RFX8: variants seen among roughly 807,000 people sequenced by gnomAD.
RFX8 encodes regulatory factor X8, also known as DNA-binding protein RFX8.
In RFX8, 46 loss-of-function variants were observed where a neutral mutation model predicts 54.6. That is an observed-to-expected ratio of 0.84 (90% CI 0.67 to 1.08). The LOEUF (loss-of-function observed/expected upper bound fraction) is 1.08. Ranked by LOEUF, RFX8 falls within the 50% of genes least tolerant of loss-of-function variation. The probability of loss-of-function intolerance (pLI) is 0.00; values close to 1 mark genes in which losing one functional copy is unlikely to be tolerated. For synonymous variants in RFX8, 192 were observed against 209.5 expected, an observed-to-expected ratio of 0.92 and a Z score of 0.72; for missense variants, 536 against 562.3, an observed-to-expected ratio of 0.95 and a Z score of 0.47.
intron 2 of RFX8, among the ~76,000 whole-genome samples, chr2:101,439,954 G>A (rs1415186126): frequency 6.6e-6 from 1 of 152,140 alleles, no homozygotes; most frequent in Non-Finnish European, 1.5e-5. Flanking sequence ...ACCCCATCCT[G>A]ATTGCTGTGG....
Position 101,409,647 on chromosome 2 carries a change from G to A in RFX8, c.813+972C>T, listed in dbSNP as rs546330619. Reference sequence around the variant, plus strand: ...CCCGAGTAGCTGGGATTACAGGTGCGTGCCACCATGCCCAGCTAATTTTTG... The same window carrying A: ...CCCGAGTAGCTGGGATTACAGGTGCATGCCACCATGCCCAGCTAATTTTTG... On this transcript the variant is annotated intron_variant, in intron 9 of 11. Coordinates refer to ENST00000428343, the MANE Select transcript of RFX8 (RefSeq NM_001145664.2). Among the ~76,000 whole-genome samples the A allele has an allele frequency of 1.3e-3, 197 of 152,196 alleles. 2 individuals carry two copies. Among genetic ancestry groups the A allele is most frequent in the African/African-American group, 4.5e-3 (186 of 41,514 alleles).
chr2:101,465,592 CTT>C (rs1399210058), intron 2 of RFX8, among the ~76,000 whole-genome samples: 5 of 152,120 alleles, frequency 3.3e-5, no homozygotes, highest in African/African-American at 1.2e-4. Context: ...AATAACTACT[CTT>C]GGGTTCAAAT....
chr2:101,469,056 GTATATATATGTATATATATATAAGTGTA>G lies in RFX8; in HGVS notation c.-52-2184_-52-2157del, dbSNP rs1558896450. On this transcript the variant is annotated intron_variant, in intron 1 of 11. Transcript: ENST00000428343. Reference sequence around the variant, plus strand: ...CGTATATATATGTATATATATATACGTATATATATGTATATATATATAAGTGTATATATATAAGTATATATATATAAGT... The same window carrying G: ...CGTATATATATGTATATATATATACGTATATATAAGTATATATATATAAGT... 1.2e-3 allele frequency among the ~76,000 whole-genome samples: 13 copies of G among 10,624 alleles called. 1 individual carries two copies. The highest frequency in any genetic ancestry group is 2.2e-3 in the Non-Finnish European group (9 of 4,092). 7.0% of individuals were successfully genotyped at this position (10,624 alleles called of 152,430 possible).
intron 1 of RFX8, among the ~76,000 whole-genome samples, chr2:101,469,343 C>T (rs1051650783): frequency 1.3e-5 from 2 of 151,400 alleles, no homozygotes. Flanking sequence ...TTTGTAGAGA[C>T]GGTCTCACTA....
At chr2:101,422,155 C>T (rs1030376350) in intron 3 of RFX8, among the ~76,000 whole-genome samples, 3 of 152,146 alleles carry the variant, frequency 2.0e-5, no homozygotes, top group Non-Finnish European at 2.9e-5. Flanking sequence ...GCAGTCCCAG[C>T]GGGAGCCTTG....
chr2:101,425,048 AAG>A (rs1553454163), intron 2 of RFX8, among the ~76,000 whole-genome samples: 4 of 151,402 alleles, frequency 2.6e-5, no homozygotes, highest in Non-Finnish European at 4.4e-5. Flanking sequence ...AGAAAAAAAA[AAG>A]AAGATGGGTT....
chr2:101,414,947 T>A (rs1181790089), intron 6 of RFX8, 35 bp from the exon 7 acceptor site: 1 of 1,480,722 alleles, frequency 6.8e-7, no homozygotes, highest in African/African-American at 1.4e-5. Flanking sequence ...ATTAATACAA[T>A]AACTTCAAGT....
Position 101,397,631 on chromosome 2 carries a change from C to T in RFX8, c.1339G>A (p.Gly447Arg). Residue 447 changes from glycine (G) to arginine (R), a missense_variant, in exon 12 of 12, where the codon GGA becomes AGA. Transcript: ENST00000428343. ...GATATCTGAATCACAAATTGTTGTC[C>T]ATCTTTTAGGGTTATGAGGGCTTCT... ...GQEALITLKD[G>R]QQFVIQISDV... The T allele has an allele frequency of 1.3e-6, 2 of 1,551,116 alleles. No individual in the cohort carries two copies. The highest frequency in any genetic ancestry group is 1.7e-6 in the Non-Finnish European group (2 of 1,146,742).
chr2:101,436,502 C>T (rs957623709), intron 2 of RFX8, among the ~76,000 whole-genome samples: 11 of 152,170 alleles, frequency 7.2e-5, no homozygotes, highest in Admixed American at 2.0e-4. Context: ...TTTTTAACCA[C>T]CCTCACCCCC....
Position 101,413,086 on chromosome 2 carries a change from G to T in RFX8, c.562-15C>A. On this transcript the variant is annotated splice_polypyrimidine_tract_variant and intron_variant, in intron 7 of 11. Transcript: ENST00000428343. ...ATTCGCATAGTCTAAAGATAACAGG[G>T]AGGCATAATACTTAATTCAATCTGG... 5.2e-6 allele frequency: 8 copies of T among 1,547,720 alleles called. No individual in the cohort carries two copies. Among genetic ancestry groups the T allele is most frequent in the Non-Finnish European group, 7.0e-6 (8 of 1,145,106 alleles).
intron 1 of RFX8, chr2:101,474,349 C>G (rs1690187518): frequency 4.8e-6 from 2 of 420,940 alleles, no homozygotes; most frequent in Admixed American, 9.0e-5. Flanking sequence ...TTGCACCGGT[C>G]CTGCTACCGC....
At chr2:101,466,445 G>A (rs1689578355) in intron 2 of RFX8, among the ~76,000 whole-genome samples, 2 of 152,112 alleles carry the variant, frequency 1.3e-5, no homozygotes, top group Admixed American at 6.5e-5. Flanking sequence ...GTGCCAAAGC[G>A]GCTCTCAGAG....
intron 1 of RFX8, among the ~76,000 whole-genome samples, chr2:101,471,587 A>G (rs1046945259): frequency 6.6e-6 from 1 of 152,204 alleles, no homozygotes; most frequent in African/African-American, 2.4e-5. Context: ...GCCTGGTCTG[A>G]AACCAGGGGT....
At chr2:101,459,594 T>C (rs926640465) in intron 2 of RFX8, among the ~76,000 whole-genome samples, 2 of 152,118 alleles carry the variant, frequency 1.3e-5, no homozygotes, top group African/African-American at 4.8e-5. Context: ...TGCCTAATCC[T>C]TCCTCTGGAA....
chr2:101,473,985 C>T (rs1690153734), intron 1 of RFX8, among the ~76,000 whole-genome samples: 1 of 152,218 alleles, frequency 6.6e-6, no homozygotes, highest in African/African-American at 2.4e-5. Context: ...GGAAGCCCGG[C>T]CCCATCGCCG....
At position 101,459,564 on chromosome 2, in the gene RFX8, C is replaced by G. The variant is rs540959449; in HGVS notation, c.72+7213G>C. Among the ~76,000 whole-genome samples, 45 of 152,300 alleles carry G rather than the reference C, an allele frequency of 3.0e-4. 1 individual carries two copies. The highest frequency in any genetic ancestry group is 6.5e-4 in the Admixed American group (10 of 15,304). On this transcript the variant is annotated intron_variant, in intron 2 of 11. Transcript: ENST00000428343. ...GCAGAGGCTGCAGAACAGCAAATAT[C>G]ACAGAATAGCAAATATTGCTGCCTA...
intron 2 of RFX8, chr2:101,452,422 G>A: frequency 1.5e-6 from 2 of 1,367,704 alleles, no homozygotes; most frequent in South Asian, 3.4e-5. Context: ...CGGGTGCCAA[G>A]GTCCGGAAAA....
chr2:101,418,112 G>C (rs545016392), intron 5 of RFX8, among the ~76,000 whole-genome samples: 1 of 151,994 alleles, frequency 6.6e-6, no homozygotes, highest in South Asian at 2.1e-4. Flanking sequence ...GGCTGGTCTC[G>C]AACTCCTGAC....
At chr2:101,469,780 C>G (rs1689875916) in intron 1 of RFX8, among the ~76,000 whole-genome samples, 1 of 152,048 alleles carries the variant, frequency 6.6e-6, no homozygotes, top group African/African-American at 2.4e-5. Flanking sequence ...ACCGAGCCTG[C>G]CTGTTACCTA....
Sources: gnomAD v4.1 joint callset for allele counts (sites outside exome capture counted in the v4.1 genomes callset) on GRCh38, gnomAD v4.1.1 for gene constraint, MANE v1.5 for transcripts, NCBI Gene and HGNC (gene_info 2026-07-23, HGNC 2026-07-21) for gene names.